IQGAP2: variants seen among roughly 807,000 people sequenced by gnomAD.
The protein encoded by IQGAP2 is ras GTPase-activating-like protein IQGAP2.
In IQGAP2, 173 loss-of-function variants were observed where a neutral mutation model predicts 201.3. That is an observed-to-expected ratio of 0.86 (90% CI 0.76 to 0.98). The LOEUF (loss-of-function observed/expected upper bound fraction) is 0.98, where lower values mean the gene tolerates loss of function less well. Ranked by LOEUF, IQGAP2 falls within the 50% of genes least tolerant of loss-of-function variation. The pLI, the probability that IQGAP2 is intolerant of heterozygous loss-of-function variation, is 0.00. For synonymous variants in IQGAP2, 675 were observed against 673.9 expected, an observed-to-expected ratio of 1.00 and a Z score of -0.03; for missense variants, 1,687 against 1,864.8, an observed-to-expected ratio of 0.90 and a Z score of 1.76.
At chr5:76,413,060 C>T (rs1313375192) in intron 1 of IQGAP2, among the ~76,000 whole-genome samples, 1 of 151,860 alleles carries the variant, frequency 6.6e-6, no homozygotes, top group African/African-American at 2.4e-5. Flanking sequence ...TCCTTCTTTA[C>T]CTGTATCCTT....
rs569054125 is a variant in IQGAP2, at chr5:76,476,401, TG to T, written c.146+14733del. 1.8e-3 allele frequency among the ~76,000 whole-genome samples: 279 copies of T among 152,318 alleles called. 2 individuals carry two copies. Among genetic ancestry groups the T allele is most frequent in the Non-Finnish European group, 3.4e-3 (232 of 68,036 alleles). ...GGGAAAGTGATGACTATCCTCTCTT[TG>T]TCCTGGGAGTCAAGGAAATTTGGCA... is the stretch of plus-strand genomic sequence containing the variant. On this transcript the variant is annotated intron_variant, in intron 2 of 35. Coordinates refer to ENST00000274364, the MANE Select transcript of IQGAP2 (RefSeq NM_006633.5).
At chr5:76,480,854 A>G (rs545113827) in intron 2 of IQGAP2, among the ~76,000 whole-genome samples, 16 of 149,790 alleles carry the variant, frequency 1.1e-4, no homozygotes, top group African/African-American at 3.8e-4. Flanking sequence ...TGAGTAACTT[A>G]TAAAGAACAG....
chr5:76,561,499 T>C (rs528571473), intron 2 of IQGAP2, among the ~76,000 whole-genome samples: 2 of 152,296 alleles, frequency 1.3e-5, no homozygotes, highest in Admixed American at 1.3e-4. Context: ...CTCACGCTAA[T>C]AGTTGGATTT....
chr5:76,653,752 G>A (rs1431704666), intron 18 of IQGAP2, among the ~76,000 whole-genome samples: 1 of 152,164 alleles, frequency 6.6e-6, no homozygotes, highest in African/African-American at 2.4e-5. Context: ...GTAGCAATTG[G>A]TCCCTCATGA....
chr5:76,525,673 A>G (rs769314761), intron 2 of IQGAP2, among the ~76,000 whole-genome samples: 3 of 152,226 alleles, frequency 2.0e-5, no homozygotes, highest in Non-Finnish European at 2.9e-5. Context: ...CCCTCTCAGA[A>G]TATTTTTAAA....
rs114607123 is a variant in IQGAP2, at chr5:76,535,580, C to T, written c.147-26816C>T. Among the ~76,000 whole-genome samples the T allele has an allele frequency of 1.2e-3, 179 of 152,302 alleles. 1 individual carries two copies. The highest frequency in any genetic ancestry group is 3.9e-3 in the African/African-American group (161 of 41,568). On this transcript the variant is annotated intron_variant, in intron 2 of 35. Coordinates refer to ENST00000274364, the MANE Select transcript of IQGAP2 (RefSeq NM_006633.5). Reference sequence around the variant, plus strand: ...GACCCTGTGTGATTGCTATGCGGCACGCCCTGGGTCTGTGTGACAAAATGG... The same window carrying T: ...GACCCTGTGTGATTGCTATGCGGCATGCCCTGGGTCTGTGTGACAAAATGG...
intron 1 of IQGAP2, among the ~76,000 whole-genome samples, chr5:76,419,993 A>G (rs1020561824): frequency 1.3e-5 from 2 of 152,112 alleles, no homozygotes; most frequent in African/African-American, 2.4e-5. Context: ...AGTTTCTCGC[A>G]TTGCCTTTGG....
chr5:76,457,163 T>C (rs1388612732), intron 1 of IQGAP2, among the ~76,000 whole-genome samples: 2 of 151,992 alleles, frequency 1.3e-5, no homozygotes, highest in Non-Finnish European at 2.9e-5. Context: ...ATTTTTTGTA[T>C]TTTTTTGTAG....
At chr5:76,478,897 ATTAATT>A (rs1755604658) in intron 2 of IQGAP2, among the ~76,000 whole-genome samples, 1 of 152,168 alleles carries the variant, frequency 6.6e-6, no homozygotes, top group Non-Finnish European at 1.5e-5. Context: ...GAGGAAGAAC[ATTAATT>A]TTAATTTTCT....
intron 17 of IQGAP2, among the ~76,000 whole-genome samples, chr5:76,646,334 A>G (rs1381399426): frequency 6.6e-6 from 1 of 152,184 alleles, no homozygotes; most frequent in Non-Finnish European, 1.5e-5. Flanking sequence ...TTCTAAACGG[A>G]TAATTAATTT....
intron 2 of IQGAP2, among the ~76,000 whole-genome samples, chr5:76,470,604 T>C (rs1755046117): frequency 6.6e-6 from 1 of 152,142 alleles, no homozygotes. Context: ...ATTTTAAGGG[T>C]CTTGCTGTGT....
At chr5:76,698,299 C>A in intron 33 of IQGAP2, 152 bp downstream of exon 33, 1 of 556,880 alleles carries the variant, frequency 1.8e-6, no homozygotes, top group Non-Finnish European at 3.1e-6. Context: ...TTATTTGCCA[C>A]TGTGAACTAA....
At chr5:76,522,546 A>G (rs1252299456) in intron 2 of IQGAP2, among the ~76,000 whole-genome samples, 1 of 152,134 alleles carries the variant, frequency 6.6e-6, no homozygotes, top group Non-Finnish European at 1.5e-5. Context: ...TACGATGTTT[A>G]TATTTATTTC....
chr5:76,512,971 C>T (rs1219058342), intron 2 of IQGAP2, among the ~76,000 whole-genome samples: 1 of 151,956 alleles, frequency 6.6e-6, no homozygotes, highest in Non-Finnish European at 1.5e-5. Flanking sequence ...AGGAGAATCG[C>T]TTGAACCTAG....
rs143443092 is a variant in IQGAP2, at chr5:76,627,480, A to G, written c.1592A>G (p.Asp531Gly). ...CAAGCCGTCGATGATGCCAACGTGGACAAGGACAGAGCAAAACAATGTAAG... is the reference window on the plus strand; with the variant it reads ...CAAGCCGTCGATGATGCCAACGTGGGCAAGGACAGAGCAAAACAATGTAAG... ...IQQAVDDANV[D>G]KDRAKQWVTL... is the part of the protein sequence containing the mutation. Residue 531 changes from aspartate to glycine, a missense_variant, in exon 14 of 36, where the codon GAC becomes GGC. By Grantham distance (94) the Asp-to-Gly change is moderately conservative. Transcript: ENST00000274364. 7.1e-5 allele frequency: 113 copies of G among 1,589,514 alleles called. No homozygotes were observed. In the East Asian group the frequency reaches 1.2e-3, roughly 16 times the overall value.
chr5:76,619,386 A>G (rs1749364056), intron 13 of IQGAP2, among the ~76,000 whole-genome samples: 1 of 152,146 alleles, frequency 6.6e-6, no homozygotes, highest in Non-Finnish European at 1.5e-5. Flanking sequence ...TGAACAGAGG[A>G]ATGACCATTG....
chr5:76,523,211 A>G (rs1023287292), intron 2 of IQGAP2, among the ~76,000 whole-genome samples: 4 of 151,048 alleles, frequency 2.6e-5, no homozygotes, highest in African/African-American at 9.8e-5. Context: ...CAGCCTCCCA[A>G]GTAACTGGGA....
intron 2 of IQGAP2, among the ~76,000 whole-genome samples, chr5:76,532,187 A>G (rs1349837539): frequency 6.6e-6 from 1 of 152,210 alleles, no homozygotes; most frequent in African/African-American, 2.4e-5. Flanking sequence ...ATGTAAATAA[A>G]TGTTCATGAA....
chr5:76,403,709 A>C lies in IQGAP2; in HGVS notation c.46+118A>C. On this transcript the variant is annotated intron_variant, in intron 1 of 35. Coordinates refer to ENST00000274364, the MANE Select transcript of IQGAP2 (RefSeq NM_006633.5). This position sits in a 1 kb window ranked among gnomAD's most constrained non-coding sequence, Gnocchi z 4.8. ...GCGCAGAGGAAATTGGAAGGCAGCA[A>C]CTGCGCGGCTGGCAAAGTTGGGAGC... 2 of 820,680 alleles carry C rather than the reference A, an allele frequency of 2.4e-6. No individual in the cohort carries two copies. The highest frequency in any genetic ancestry group is 1.7e-6 in the Non-Finnish European group (1 of 578,890). The allele number at this position is 820,680 out of a possible 1,614,324, so 50.8% of individuals were successfully genotyped here.
Sources: allele counts gnomAD v4.1 joint callset (sites outside exome capture counted in the v4.1 genomes callset), GRCh38; gene constraint gnomAD v4.1.1; non-coding constraint Gnocchi (gnomAD v3.1); transcripts MANE v1.5; gene names NCBI Gene and HGNC (gene_info 2026-07-23, HGNC 2026-07-21).